BICD1: variants seen among roughly 807,000 people sequenced by gnomAD.
BICD1 encodes the protein protein bicaudal D homolog 1.
BICD1 carries 35 observed loss-of-function variants against 92.5 expected under a neutral mutation model. That is an observed-to-expected ratio of 0.38 (90% CI 0.29 to 0.50). The LOEUF (loss-of-function observed/expected upper bound fraction) is 0.50. BICD1 is among the 20% of genes least tolerant of loss of function. BICD1 has a pLI of 0.93. For synonymous variants in BICD1, 429 were observed against 465.1 expected (o/e 0.92, Z 1.00); for missense variants, 950 against 1,189.8 (o/e 0.80, Z 2.97).
chr12:32,319,896 G>A (rs1393871398), intron 4 of BICD1, among the ~76,000 whole-genome samples: 1 of 152,164 alleles, frequency 6.6e-6, no homozygotes, highest in African/African-American at 2.4e-5. Flanking sequence ...GTTGGGAAGG[G>A]CCCCTCTCCC....
intron 3 of BICD1, among the ~76,000 whole-genome samples, chr12:32,303,441 C>T (rs957889798): frequency 6.6e-6 from 1 of 152,184 alleles, no homozygotes; most frequent in African/African-American, 2.4e-5. Flanking sequence ...TTGTTCCCTT[C>T]TGACGGTGTA....
intron 2 of BICD1, among the ~76,000 whole-genome samples, chr12:32,233,316 TGTC>T (rs1458228391): frequency 5.4e-5 from 3 of 55,630 alleles, no homozygotes; most frequent in African/African-American, 2.1e-4. Flanking sequence ...AGCAAGAGTC[TGTC>T]TTTAAAAAAA....
chr12:32,141,605 C>T (rs1847078356), intron 1 of BICD1, among the ~76,000 whole-genome samples: 1 of 152,022 alleles, frequency 6.6e-6, no homozygotes, highest in Admixed American at 6.6e-5. Context: ...TCCCGAGTAG[C>T]TCGGAGTACA....
intron 8 of BICD1, chr12:32,367,460 A>G (rs1210347419): frequency 2.1e-6 from 1 of 470,002 alleles, no homozygotes; most frequent in Non-Finnish European, 3.8e-6. Context: ...CTGTGTCACT[A>G]ATTTTTTAAT....
At chr12:32,198,334 A>C (rs1448785344) in intron 1 of BICD1, among the ~76,000 whole-genome samples, 13 of 132,166 alleles carry the variant, frequency 9.8e-5, no homozygotes, top group African/African-American at 2.3e-4. Context: ...ATCTATCTAT[A>C]TATATATATA....
Position 32,107,510 on chromosome 12 carries a change from A to G in BICD1, c.179A>G (p.Asp60Gly). ...QQYDELEAEY[D>G]SLKQELEQLK... ...TATGATGAACTGGAGGCTGAGTACG[A>G]CAGCCTCAAACAGGAGCTGGAGCAG... The change falls in exon 1 of 10, where the codon GAC (aspartate) becomes GGC (glycine). Residue 60 changes from aspartate (D) to glycine (G), a missense_variant. Around this residue, in one of 5 missense-constraint regions of BICD1, gnomAD observed 202 missense variants for 205.3 expected, o/e 0.98. Coordinates refer to ENST00000652176, the MANE Select transcript of BICD1 (RefSeq NM_001714.4). 1 of 1,601,400 alleles carries G rather than the reference A, an allele frequency of 6.2e-7. No individual in the cohort carries two copies. The highest frequency in any genetic ancestry group is 8.5e-7 in the Non-Finnish European group (1 of 1,174,428).
Position 32,149,558 on chromosome 12 carries a change from A to G in BICD1, c.213+42014A>G, listed in dbSNP as rs142983274. Among the ~76,000 whole-genome samples the G allele has an allele frequency of 5.1e-4, 78 of 152,372 alleles. 1 individual carries two copies. The highest frequency in any genetic ancestry group is 1.8e-3 in the African/African-American group (76 of 41,592). ...ATGTAGAACAATAAAGTTACATTAT[A>G]GATGTCTTAGGTGAACCAAGAGAAA... On this transcript the variant is annotated intron_variant, in intron 1 of 9. Transcript: ENST00000652176.
chr12:32,256,269 C>T (rs1332481133), intron 2 of BICD1, among the ~76,000 whole-genome samples: 1 of 152,132 alleles, frequency 6.6e-6, no homozygotes, highest in African/African-American at 2.4e-5. Flanking sequence ...AGGCTGATCT[C>T]GAACTTCTGG....
intron 1 of BICD1, among the ~76,000 whole-genome samples, chr12:32,189,602 C>T (rs1159282226): frequency 6.6e-6 from 1 of 151,992 alleles, no homozygotes; most frequent in African/African-American, 2.4e-5. Flanking sequence ...ATCACTATAC[C>T]TGCATAATTT....
chr12:32,121,757 A>T (rs1306674744), intron 1 of BICD1, among the ~76,000 whole-genome samples: 1 of 152,058 alleles, frequency 6.6e-6, no homozygotes, highest in Non-Finnish European at 1.5e-5. Flanking sequence ...CAAACAAAGA[A>T]AACCTACGGT....
chr12:32,268,412 A>G (rs1947055416), intron 2 of BICD1, among the ~76,000 whole-genome samples: 1 of 152,210 alleles, frequency 6.6e-6, no homozygotes, highest in Admixed American at 6.5e-5. Flanking sequence ...TCAACTGCCC[A>G]TCGTAAAAAA....
intron 8 of BICD1, among the ~76,000 whole-genome samples, chr12:32,364,188 T>G (rs1261488016): frequency 6.6e-6 from 1 of 152,210 alleles, no homozygotes; most frequent in Non-Finnish European, 1.5e-5. Flanking sequence ...TGTTGAATGG[T>G]TTAGACAAAC....
intron 2 of BICD1, among the ~76,000 whole-genome samples, chr12:32,273,947 C>T (rs1947208869): frequency 1.3e-5 from 2 of 152,200 alleles, no homozygotes; most frequent in African/African-American, 2.4e-5. Context: ...GCTGAACAAG[C>T]GTAAACTTCT....
At chr12:32,235,850 G>A (rs1946053768) in intron 2 of BICD1, among the ~76,000 whole-genome samples, 1 of 151,454 alleles carries the variant, frequency 6.6e-6, no homozygotes, top group South Asian at 2.1e-4. Context: ...ATAGGTGCAT[G>A]CCACCACACC....
chr12:32,279,877 A>T (rs12579050), intron 2 of BICD1, among the ~76,000 whole-genome samples: 12,446 of 152,270 alleles, frequency 0.082, 802 homozygotes, highest in East Asian at 0.28. Flanking sequence ...AGGCGGGTGG[A>T]TCACCGGGGT....
rs530058246 is a variant in BICD1 at position 32,306,445 on chromosome 12, C to T, written c.1005+323C>T. 1.2e-3 allele frequency among the ~76,000 whole-genome samples: 176 copies of T among 151,886 alleles called. 1 individual carries two copies. The Middle Eastern group carries it at 0.014, about 12-fold the overall frequency. On this transcript the variant is annotated intron_variant, in intron 4 of 9. Coordinates refer to ENST00000652176, the MANE Select transcript of BICD1 (RefSeq NM_001714.4). ...ATTTTTAGTAGAGACGGGGTTTCAC[C>T]GTATTAGCCAGGATGGTCTCGATCT...
chr12:32,113,893 A>G (rs1941791148), intron 1 of BICD1, among the ~76,000 whole-genome samples: 1 of 150,716 alleles, frequency 6.6e-6, no homozygotes, highest in Admixed American at 6.6e-5. Flanking sequence ...TTTTTCCAAG[A>G]CAGAATCTCG....
At chr12:32,171,806 C>A (rs1171837850) in intron 1 of BICD1, among the ~76,000 whole-genome samples, 1 of 151,826 alleles carries the variant, frequency 6.6e-6, no homozygotes, top group Non-Finnish European at 1.5e-5. Context: ...TGGTGGCGTG[C>A]ACCTGTAGTC....
At chr12:32,125,198 C>A (rs1218695628) in intron 1 of BICD1, among the ~76,000 whole-genome samples, 1 of 152,148 alleles carries the variant, frequency 6.6e-6, no homozygotes, top group Non-Finnish European at 1.5e-5. Flanking sequence ...TCTTACAGAC[C>A]CCTCTGATTC....
Sources: allele counts gnomAD v4.1 joint callset (sites outside exome capture counted in the v4.1 genomes callset), GRCh38; gene constraint gnomAD v4.1.1; regional missense constraint gnomAD v4.1.1; transcripts MANE v1.5; gene names NCBI Gene and HGNC (gene_info 2026-07-23, HGNC 2026-07-21).